Variants in PCDHGA8 observed in about 807,000 individuals in gnomAD.
PCDHGA8 encodes protocadherin gamma subfamily A, 8.
PCDHGA8 carries 45 observed loss-of-function variants against 59.2 expected under a neutral mutation model. The observed-to-expected ratio is 0.76, with a 90% confidence interval of 0.60 to 0.98. PCDHGA8 has a LOEUF of 0.98. PCDHGA8 is among the 50% of genes least tolerant of loss of function. The pLI, the probability that PCDHGA8 is intolerant of heterozygous loss-of-function variation, is 0.00. For synonymous variants in PCDHGA8, 531 were observed against 519.0 expected, an observed-to-expected ratio of 1.02 and a Z score of -0.32; for missense variants, 1,257 against 1,196.2, an observed-to-expected ratio of 1.05 and a Z score of -0.75.
At chr5:141,441,790 A>G in intron 1 of PCDHGA8, 1 of 391,228 alleles carries the variant, frequency 2.6e-6, no homozygotes, top group South Asian at 2.0e-5. Context: ...CTGAATGACA[A>G]CGCACCGCGG....
intron 1 of PCDHGA8, chr5:141,399,930 C>G (rs1168427748): frequency 6.2e-7 from 1 of 1,612,208 alleles, no homozygotes. Context: ...CCTGGCTGTC[C>G]TACCACGTGC....
At chr5:141,402,934 A>G in intron 1 of PCDHGA8, 1 of 1,586,622 alleles carries the variant, frequency 6.3e-7, no homozygotes, top group Non-Finnish European at 8.6e-7. Flanking sequence ...TTTTGAGAAA[A>G]TTCCAAAGCG....
At chr5:141,484,644 A>G (rs1165542601) in intron 1 of PCDHGA8, among the ~76,000 whole-genome samples, 1 of 151,748 alleles carries the variant, frequency 6.6e-6, no homozygotes, top group African/African-American at 2.4e-5. Flanking sequence ...CCACTCTCCA[A>G]TGGCTACTCT....
rs61612330 is a variant in PCDHGA8, at chr5:141,454,796, A to ATTTTTTT, written c.2425-39988_2425-39982dup. On this transcript the variant is annotated intron_variant, in intron 1 of 3. Transcript: ENST00000398604. Reference sequence around the variant, plus strand: ...AAGGAAATAATCCTCCATGGTTCTAATTTTTTTTTTTTTTTTTTTTTTTTT... The same window carrying ATTTTTTT: ...AAGGAAATAATCCTCCATGGTTCTAATTTTTTTTTTTTTTTTTTTTTTTTTTTTTTTT... Among the ~76,000 whole-genome samples the ATTTTTTT allele has an allele frequency of 2.6e-3, 198 of 77,448 alleles. 27 individuals are homozygous for ATTTTTTT. The highest frequency in any genetic ancestry group is 8.4e-3 in the African/African-American group (141 of 16,874). The allele number at this position is 77,448 out of a possible 152,430, so 50.8% of individuals were successfully genotyped here. A position where few individuals can be genotyped will look rare whatever the true frequency, so the allele number is the denominator to read the frequency against.
chr5:141,454,618 C>T (rs1259161504), intron 1 of PCDHGA8, among the ~76,000 whole-genome samples: 1 of 151,470 alleles, frequency 6.6e-6, no homozygotes, highest in Non-Finnish European at 1.5e-5. Flanking sequence ...GTTGGTCAGG[C>T]TGGTCTCGAA....
intron 1 of PCDHGA8, among the ~76,000 whole-genome samples, chr5:141,464,715 T>C (rs1013508667): frequency 2.0e-5 from 3 of 152,090 alleles, no homozygotes; most frequent in Admixed American, 2.0e-4. Flanking sequence ...AAATAGTTTT[T>C]CATATGTTTA....
rs759756007 is a variant in PCDHGA8 at position 141,476,248 on chromosome 5, T to C, written c.2425-18559T>C. 2 of 1,613,856 alleles carry C rather than the reference T, an allele frequency of 1.2e-6. No individual in the cohort carries two copies. Among genetic ancestry groups the C allele is most frequent in the South Asian group, 2.2e-5 (2 of 91,050 alleles). On this transcript the variant is annotated intron_variant, in intron 1 of 3. Transcript: ENST00000398604. The surrounding 1 kb of genome is among the most constrained non-coding windows in gnomAD (Gnocchi z 7.6). The stretch of plus-strand genomic sequence containing the variant: ...AGATCCCGGAGGAAAGAGAGAAGGG[T>C]TTCGCTGTGGGCAACGTGGTCGCGA...
chr5:141,477,857 C>T lies in PCDHGA8; in HGVS notation c.2425-16950C>T. ...AGGTGGGAGCTCGGTGGAGATGCTG[C>T]CTCGAGGTACCTCAGCTGGCCACCT... On this transcript the variant is annotated intron_variant, in intron 1 of 3. Transcript: ENST00000398604. The surrounding 1 kb of genome is among the most constrained non-coding windows in gnomAD (Gnocchi z 4.9). The T allele has an allele frequency of 6.2e-7, 1 of 1,613,574 alleles. No individual in the cohort carries two copies. The highest frequency in any genetic ancestry group is 8.5e-7 in the Non-Finnish European group (1 of 1,179,836).
At position 141,476,151 on chromosome 5, in the gene PCDHGA8, G is replaced by A; in HGVS notation, c.2425-18656G>A. Reference sequence around the variant, plus strand: ...GAGGCCTGGAGGAGCGGACTGGTAAGCACCGGGAGGGTAGTGGGAGTTTTG... The same window carrying A: ...GAGGCCTGGAGGAGCGGACTGGTAAACACCGGGAGGGTAGTGGGAGTTTTG... On this transcript the variant is annotated intron_variant, in intron 1 of 3. Transcript: ENST00000398604. This position sits in a 1 kb window ranked among gnomAD's most constrained non-coding sequence, Gnocchi z 7.6. 1 of 1,612,022 alleles carries A rather than the reference G, an allele frequency of 6.2e-7. No individual in the cohort carries two copies. Among genetic ancestry groups the A allele is most frequent in the Admixed American group, 1.7e-5 (1 of 60,014 alleles).
intron 1 of PCDHGA8, among the ~76,000 whole-genome samples, chr5:141,482,800 G>C (rs10052648): frequency 0.023 from 2,992 of 130,874 alleles, 96 homozygotes; most frequent in African/African-American, 0.087. Context: ...GGCCGGGTAC[G>C]GTGGCTCATG....
At position 141,477,763 on chromosome 5, in the gene PCDHGA8, C is replaced by A. The variant is rs763322593; in HGVS notation, c.2425-17044C>A. On this transcript the variant is annotated intron_variant, in intron 1 of 3. Coordinates refer to ENST00000398604, the MANE Select transcript of PCDHGA8 (RefSeq NM_032088.2). The surrounding 1 kb of genome is among the most constrained non-coding windows in gnomAD (Gnocchi z 4.9). ...ATGGGGGCACCCCGGTCCTAGCCAC[C>A]AACATCAGCGTGAACATATTTGTCA... 5.0e-6 allele frequency: 8 copies of A among 1,613,894 alleles called. No homozygotes were observed. The East Asian group carries it at 1.6e-4, about 31-fold the overall frequency.
intron 1 of PCDHGA8, chr5:141,403,482 A>G (rs764737675): frequency 5.0e-6 from 8 of 1,613,774 alleles, no homozygotes; most frequent in Non-Finnish European, 6.8e-6. Context: ...CCCAATCACC[A>G]CTTCTCCCTG....
Position 141,413,864 on chromosome 5 carries a change from T to C in PCDHGA8, c.2424+18627T>C. 3 of 1,613,398 alleles carry C rather than the reference T, an allele frequency of 1.9e-6. No homozygotes were observed. The Admixed American group carries it at 5.0e-5, about 27-fold the overall frequency. ...GGTGACCCTCTCCGATCTGGCACTG[T>C]CCTTGTCAGTGTGACTGTCTTCGAT... On this transcript the variant is annotated intron_variant, in intron 1 of 3. Transcript: ENST00000398604.
At chr5:141,423,977 G>A in intron 1 of PCDHGA8, 4 of 1,121,548 alleles carry the variant, frequency 3.6e-6, no homozygotes, top group Non-Finnish European at 4.4e-6. Context: ...ATCAGTGTAT[G>A]AGGCTCTCAA....
Position 141,491,742 on chromosome 5 carries a change from C to CA in PCDHGA8, c.2425-3064dup. The CA allele has an allele frequency of 3.1e-6, 5 of 1,596,114 alleles. No individual in the cohort carries two copies. Among genetic ancestry groups the CA allele is most frequent in the Non-Finnish European group, 4.3e-6 (5 of 1,172,424 alleles). ...CGCCCCGGGCGACCCCTGGGGGCGG[C>CA]ACTGGAGAAGCCGCCCGTCCTCATA... On this transcript the variant is annotated intron_variant, in intron 1 of 3. Coordinates refer to ENST00000398604, the MANE Select transcript of PCDHGA8 (RefSeq NM_032088.2). This position sits in a 1 kb window ranked among gnomAD's most constrained non-coding sequence, Gnocchi z 6.9.
chr5:141,399,093 A>C, intron 1 of PCDHGA8: 1 of 1,613,820 alleles, frequency 6.2e-7, no homozygotes. Flanking sequence ...ATGGTGGTGG[A>C]CTGGTTGCAC....
At chr5:141,405,047 G>A in intron 1 of PCDHGA8, 4 of 1,613,944 alleles carry the variant, frequency 2.5e-6, no homozygotes, top group Non-Finnish European at 2.5e-6. Context: ...GGCTGTGGCA[G>A]TCGTCTCCTG....
At chr5:141,415,476 G>C in intron 1 of PCDHGA8, 1 of 1,614,194 alleles carries the variant, frequency 6.2e-7, no homozygotes, top group Non-Finnish European at 8.5e-7. Context: ...CCGCGGACTC[G>C]CGAAAGAGTC....
At chr5:141,465,284 A>C (rs2099100147) in intron 1 of PCDHGA8, among the ~76,000 whole-genome samples, 1 of 152,176 alleles carries the variant, frequency 6.6e-6, no homozygotes, top group African/African-American at 2.4e-5. Flanking sequence ...TTCACCCCTA[A>C]AGAACTGAGA....
Sources: allele counts gnomAD v4.1 joint callset (sites outside exome capture counted in the v4.1 genomes callset), GRCh38; gene constraint gnomAD v4.1.1; non-coding constraint Gnocchi (gnomAD v3.1); transcripts MANE v1.5; gene names NCBI Gene and HGNC (gene_info 2026-07-23, HGNC 2026-07-21).